COL6A2: variants seen among roughly 807,000 people sequenced by gnomAD.
The protein encoded by COL6A2 is collagen type VI alpha 2 chain.
COL6A2 carries 90 observed loss-of-function variants against 124.9 expected under a neutral mutation model. The observed-to-expected ratio is 0.72, with a 90% CI of 0.61 to 0.86. COL6A2 has a LOEUF of 0.86. COL6A2 is among the 40% of genes least tolerant of loss of function. COL6A2 has a pLI of 0.00. For missense variants in COL6A2, 1,607 were observed against 1,502.5 expected (o/e 1.07, Z -1.15); for synonymous variants, 793 against 618.2 (o/e 1.28, Z -4.19).
At position 46,132,025 on chromosome 21, in the gene COL6A2, G is replaced by C; in HGVS notation, c.2533G>C (p.Gly845Arg). The C allele has an allele frequency of 6.2e-7, 1 of 1,609,410 alleles. No individual in the cohort carries two copies. The highest frequency in any genetic ancestry group is 8.5e-7 in the Non-Finnish European group (1 of 1,179,412). The change falls in exon 28 of 28, where the codon GGT (glycine) becomes CGT (arginine). Residue 845 changes from glycine to arginine, a missense_variant. By Grantham distance (125) the Gly-to-Arg change is moderately radical. Transcript: ENST00000300527. ...CCTGCTGGACGGCTCCGAGCGGCTG[G>C]GTGAGCAGAACTTCCACAAGGCCCG... ...VFLLDGSERL[G>R]EQNFHKARRF...
At chr21:46,112,666 G>A in intron 3 of COL6A2, 89 bp downstream of exon 3, 1 of 1,592,134 alleles carries the variant, frequency 6.3e-7, no homozygotes, top group South Asian at 1.1e-5. Flanking sequence ...ACCCCTCTGT[G>A]AGTGCGGAGG....
chr21:46,125,644 A>C, intron 25 of COL6A2, 27 bp downstream of exon 25: 1 of 652,206 alleles, frequency 1.5e-6, no homozygotes, highest in Non-Finnish European at 2.7e-6. Context: ...CGGGTGCAGC[A>C]TTGCGGGGGG....
chr21:46,102,937 A>T (rs2078302761), intron 1 of COL6A2, among the ~76,000 whole-genome samples: 1 of 152,344 alleles, frequency 6.6e-6, no homozygotes, highest in East Asian at 1.9e-4. Context: ...TGGCCTCATA[A>T]GAATGAGTTA....
In COL6A2 at chr21:46,116,555, C is replaced by T; in HGVS notation, c.928-96C>T. ...GGGGGCTCCTGGGGGGTCCTGTGGC[C>T]TTGAGTTTGGCCCAAGGGCTTTGCC... On this transcript the variant is annotated intron_variant, in intron 8 of 27. Coordinates refer to ENST00000300527, the MANE Select transcript of COL6A2 (RefSeq NM_001849.4). The surrounding 1 kb of genome is among the most constrained non-coding windows in gnomAD (Gnocchi z 4.6). 1 of 1,595,408 alleles carries T rather than the reference C, an allele frequency of 6.3e-7. No homozygotes were observed. The highest frequency in any genetic ancestry group is 1.8e-4 in the Middle Eastern group (1 of 5,562).
In COL6A2 at chr21:46,132,560, G is replaced by A. The variant is rs577146622; in HGVS notation, c.*8G>A. The A allele has an allele frequency of 3.7e-5, 58 of 1,587,996 alleles. No homozygotes were observed. In the East Asian group the frequency reaches 4.8e-4, roughly 13 times the overall value. On this transcript the variant is annotated 3_prime_UTR_variant, in exon 28 of 28. Transcript: ENST00000300527. Reference sequence around the variant, plus strand: ...ATCCGCTGGATCTGCTAGCGCCGCCGCCCGGGCCCCGCAGTCGAGGGTCGT... The same window carrying A: ...ATCCGCTGGATCTGCTAGCGCCGCCACCCGGGCCCCGCAGTCGAGGGTCGT...
intron 27 of COL6A2, 29 bp downstream of exon 27, chr21:46,126,570 C>T: frequency 6.8e-6 from 11 of 1,613,108 alleles, no homozygotes; most frequent in Non-Finnish European, 9.3e-6. Flanking sequence ...AGCCACCACC[C>T]CAGACTAGCA....
intron 19 of COL6A2, 25 bp downstream of exon 19, chr21:46,122,183 C>G (rs201852553): frequency 4.4e-5 from 71 of 1,610,798 alleles, no homozygotes; most frequent in Non-Finnish European, 5.9e-5. Flanking sequence ...GGGATGGCAG[C>G]TCCCAGGAGT....
chr21:46,110,947 TCCTC>T (rs1172283901), intron 1 of COL6A2, among the ~76,000 whole-genome samples: 5 of 151,708 alleles, frequency 3.3e-5, no homozygotes, highest in Admixed American at 6.6e-5. Context: ...CTTGACAGAG[TCCTC>T]CCTCCCTCCT....
intron 10 of COL6A2, 54 bp from the exon 11 acceptor site, chr21:46,117,346 C>T (rs2078488247): frequency 1.3e-6 from 2 of 1,566,206 alleles, no homozygotes; most frequent in African/African-American, 1.4e-5. Flanking sequence ...GTCGTTGGCA[C>T]ACATGGACCC....
In COL6A2 at chr21:46,112,529, C is replaced by T; in HGVS notation, c.666C>T (p.Asp222=). ...ACGACTACGCCACCATGCTGCCCGA[C>T]TCCACCGAGATCGACCAGGACACCA... The part of the protein sequence containing the change: ...YRNDYATMLP[D]STEIDQDTIN... Residue 222 remains aspartate (D), a synonymous_variant, in exon 3 of 28, where the codon GAC becomes GAT. Transcript: ENST00000300527. 1 of 1,603,760 alleles carries T rather than the reference C, an allele frequency of 6.2e-7. No individual in the cohort carries two copies. The highest frequency in any genetic ancestry group is 8.5e-7 in the Non-Finnish European group (1 of 1,177,008).
intron 27 of COL6A2, among the ~76,000 whole-genome samples, chr21:46,128,431 A>G (rs531862966): frequency 4.6e-5 from 7 of 152,188 alleles, no homozygotes; most frequent in Non-Finnish European, 8.8e-5. Flanking sequence ...ACCAGCCCAC[A>G]CGGCCAGGCA....
chr21:46,105,431 A>T (rs971464321), intron 1 of COL6A2, among the ~76,000 whole-genome samples: 1 of 152,212 alleles, frequency 6.6e-6, no homozygotes, highest in African/African-American at 2.4e-5. Context: ...AAATATATAG[A>T]CAATTATAAA....
In COL6A2 at chr21:46,112,947, G is replaced by A; in HGVS notation, c.735+123G>A. 4.8e-6 allele frequency: 6 copies of A among 1,263,156 alleles called. 1 individual carries two copies. The South Asian group carries it at 7.3e-5, about 15-fold the overall frequency. The allele number at this position is 1,263,156 out of a possible 1,614,324, so 78.2% of individuals were successfully genotyped here. On this transcript the variant is annotated intron_variant, in intron 4 of 27. Coordinates refer to ENST00000300527, the MANE Select transcript of COL6A2 (RefSeq NM_001849.4). ...CAGATGAGAGGAGAGGGAGTCACCT[G>A]CTCCATGTTGGACCTGAGGCCTTGG... is the stretch of plus-strand genomic sequence containing the variant.
At chr21:46,124,160 T>A (rs961258257) in intron 21 of COL6A2, among the ~76,000 whole-genome samples, 10 of 147,838 alleles carry the variant, frequency 6.8e-5, no homozygotes, top group African/African-American at 2.5e-4. Flanking sequence ...GATAGATAGA[T>A]GGGTGGGTGG....
At chr21:46,115,761 G>A in intron 5 of COL6A2, 111 bp from the exon 6 acceptor site, 1 of 960,760 alleles carries the variant, frequency 1.0e-6, no homozygotes. Context: ...CACTTGGGCA[G>A]GGGAATCAGT....
At chr21:46,121,305 GC>G (rs1216670812) in intron 17 of COL6A2, among the ~76,000 whole-genome samples, 182 bp downstream of exon 17, 2 of 152,136 alleles carry the variant, frequency 1.3e-5, no homozygotes, top group Non-Finnish European at 2.9e-5. Context: ...CTCAGCCCCA[GC>G]CCCCCATCCT....
chr21:46,130,194 C>T (rs187082301), intron 27 of COL6A2, among the ~76,000 whole-genome samples: 7 of 152,340 alleles, frequency 4.6e-5, no homozygotes, highest in Non-Finnish European at 8.8e-5. Flanking sequence ...CCACAGCTGC[C>T]TGCCAGCAGC....
intron 27 of COL6A2, among the ~76,000 whole-genome samples, chr21:46,130,077 G>A (rs952616381): frequency 2.6e-5 from 4 of 152,218 alleles, no homozygotes; most frequent in Non-Finnish European, 5.9e-5. Context: ...GGCCCACCTG[G>A]TGGCAGGTGA....
Position 46,132,452 on chromosome 21 carries a change from C to T in COL6A2, c.2960C>T (p.Thr987Met), listed in dbSNP as rs199955442. The T allele has an allele frequency of 5.9e-5, 95 of 1,606,426 alleles. No individual in the cohort carries two copies. Among genetic ancestry groups the T allele is most frequent in the Admixed American group, 3.8e-4 (23 of 59,896 alleles). Residue 987 changes from threonine (T) to methionine (M), a missense_variant, in exon 28 of 28, where the codon ACG becomes ATG. Thr to Met is a moderately conservative substitution (Grantham distance 81, BLOSUM62 -1). This residue lies in a region of COL6A2 where 1,223 missense variants were observed against 1,052.2 expected (regional missense o/e 1.16). Coordinates refer to ENST00000300527, the MANE Select transcript of COL6A2 (RefSeq NM_001849.4). ...GACGTGGACATGGACGTGCTCACCACGCTCAGCCTGGGTGACCGCGCCGCC... is the reference window on the plus strand; with the variant it reads ...GACGTGGACATGGACGTGCTCACCATGCTCAGCCTGGGTGACCGCGCCGCC... ...GSDVDMDVLT[T>M]LSLGDRAAVF... is the part of the protein sequence containing the mutation.
Sources: allele counts gnomAD v4.1 joint callset (sites outside exome capture counted in the v4.1 genomes callset), GRCh38; gene constraint gnomAD v4.1.1; regional missense constraint gnomAD v4.1.1; non-coding constraint Gnocchi (gnomAD v3.1); transcripts MANE v1.5; gene names NCBI Gene and HGNC (gene_info 2026-07-23, HGNC 2026-07-21).